Variants in RERE observed in about 807,000 individuals in gnomAD.
The protein encoded by RERE is arginine-glutamic acid dipeptide repeats protein.
Under a neutral mutation model 146.1 loss-of-function variants are expected in RERE, and 40 were observed. The observed-to-expected ratio is 0.27, with a 90% CI of 0.21 to 0.36. RERE has a LOEUF of 0.36. RERE is among the 10% of genes least tolerant of loss of function. The pLI is 1.00. For missense variants in RERE, 1,933 were observed against 2,138.7 expected, an observed-to-expected ratio of 0.90 and a Z score of 1.90; for synonymous variants, 1,003 against 866.0, an observed-to-expected ratio of 1.16 and a Z score of -2.78.
intron 1 of RERE, among the ~76,000 whole-genome samples, chr1:8,683,136 T>G (rs11587482): frequency 0.16 from 24,073 of 151,776 alleles, 2,294 homozygotes; most frequent in Middle Eastern, 0.26. Context: ...TTATCCATAT[T>G]TTAGATGCCA....
intron 12 of RERE, among the ~76,000 whole-genome samples, chr1:8,368,541 A>G (rs1433175133): frequency 6.6e-6 from 1 of 151,772 alleles, no homozygotes; most frequent in African/African-American, 2.4e-5. Flanking sequence ...ACGAGACAAA[A>G]GGGACCAAAA....
intron 1 of RERE, among the ~76,000 whole-genome samples, chr1:8,793,174 A>AAAAAGAAAG (rs756022312): frequency 2.8e-4 from 36 of 127,098 alleles, no homozygotes; most frequent in Non-Finnish European, 5.5e-4. Flanking sequence ...AAAAAAAAAA[A>AAAAAGAAAG]AAAGAAAGAA....
At chr1:8,441,885 T>C (rs1644253219) in intron 11 of RERE, among the ~76,000 whole-genome samples, 1 of 140,946 alleles carries the variant, frequency 7.1e-6, no homozygotes, top group South Asian at 2.4e-4. Context: ...ATTTCTTCTA[T>C]ACTTAAGAGC....
At chr1:8,506,049 C>A (rs537096699) in intron 8 of RERE, among the ~76,000 whole-genome samples, 5 of 151,636 alleles carry the variant, frequency 3.3e-5, no homozygotes, top group African/African-American at 7.3e-5. Flanking sequence ...ACTACATTTT[C>A]TTTTATGGTA....
intron 1 of RERE, among the ~76,000 whole-genome samples, chr1:8,706,539 A>G (rs537996882): frequency 2.6e-5 from 4 of 152,366 alleles, no homozygotes; most frequent in Non-Finnish European, 4.4e-5. Flanking sequence ...AGAGGACTAA[A>G]TCTTGTATAC....
intron 1 of RERE, among the ~76,000 whole-genome samples, chr1:8,775,309 C>G (rs923154343): frequency 2.6e-5 from 4 of 152,170 alleles, no homozygotes; most frequent in African/African-American, 9.7e-5. Flanking sequence ...CAGTGGCTCA[C>G]ACCTATAATC....
chr1:8,361,617 G>C, intron 17 of RERE, 127 bp from the exon 18 acceptor site: 1 of 1,400,278 alleles, frequency 7.1e-7, no homozygotes, highest in Admixed American at 1.8e-5. Flanking sequence ...CGGGACCACA[G>C]GTCGTGCCCT....
In RERE at chr1:8,358,737, C is replaced by T. The variant is rs778552205; in HGVS notation, c.3798G>A (p.Ser1266=). Reference sequence around the variant, plus strand: ...AGAAGGGGTGGTTGCGGTTGGTGGGCGACATGACGTGGGGCCGGGCGTACT... The same window carrying T: ...AGAAGGGGTGGTTGCGGTTGGTGGGTGACATGACGTGGGGCCGGGCGTACT... The part of the protein sequence containing the change: ...LSEYARPHVM[S]PTNRNHPFYM... Residue 1266 remains serine (S), a synonymous_variant, in exon 20 of 23, where the codon TCG becomes TCA. Transcript: ENST00000400908. The T allele has an allele frequency of 9.5e-5, 153 of 1,607,190 alleles. No individual in the cohort carries two copies. The highest frequency in any genetic ancestry group is 1.3e-4 in the Non-Finnish European group (149 of 1,176,162).
chr1:8,460,809 T>C (rs987943976), intron 11 of RERE, among the ~76,000 whole-genome samples: 1 of 152,156 alleles, frequency 6.6e-6, no homozygotes, highest in Non-Finnish European at 1.5e-5. Flanking sequence ...AAAACGCAGC[T>C]AAGTGGATAG....
At chr1:8,466,596 C>G (rs1644601170) in intron 10 of RERE, among the ~76,000 whole-genome samples, 1 of 152,134 alleles carries the variant, frequency 6.6e-6, no homozygotes, top group Admixed American at 6.5e-5. Context: ...TTTAGCATTT[C>G]TTAAGTTTTT....
intron 1 of RERE, among the ~76,000 whole-genome samples, chr1:8,719,163 A>G (rs1168618391): frequency 6.6e-6 from 1 of 152,118 alleles, no homozygotes; most frequent in Non-Finnish European, 1.5e-5. Flanking sequence ...GTGTCCGGAC[A>G]GATGCTCAGC....
intron 1 of RERE, among the ~76,000 whole-genome samples, chr1:8,783,076 A>G (rs75462377): frequency 0.018 from 2,794 of 152,252 alleles, 91 homozygotes; most frequent in African/African-American, 0.063. Context: ...GTTCATGCCT[A>G]TAATTCCAAC....
At chr1:8,379,263 C>T (rs1642363706) in intron 12 of RERE, among the ~76,000 whole-genome samples, 1 of 152,152 alleles carries the variant, frequency 6.6e-6, no homozygotes, top group Non-Finnish European at 1.5e-5. Context: ...TCAGTTTCCA[C>T]AGGCAAGAGC....
At chr1:8,592,561 T>C (rs928799182) in intron 4 of RERE, among the ~76,000 whole-genome samples, 4 of 151,026 alleles carry the variant, frequency 2.6e-5, no homozygotes, top group African/African-American at 4.9e-5. Context: ...CATGAGCCAC[T>C]GCATCCAGCC....
chr1:8,379,216 A>G (rs917361989), intron 12 of RERE, among the ~76,000 whole-genome samples: 1 of 152,100 alleles, frequency 6.6e-6, no homozygotes, highest in Non-Finnish European at 1.5e-5. Flanking sequence ...AACCCTCCAG[A>G]GTCTCTGTGG....
intron 1 of RERE, among the ~76,000 whole-genome samples, chr1:8,736,397 C>A (rs1431837855): frequency 6.6e-6 from 1 of 152,002 alleles, no homozygotes; most frequent in Non-Finnish European, 1.5e-5. Flanking sequence ...TTAGTAGAGA[C>A]GGGGTTTCAC....
intron 1 of RERE, among the ~76,000 whole-genome samples, chr1:8,751,297 G>T (rs1437851832): frequency 6.6e-6 from 1 of 152,108 alleles, no homozygotes; most frequent in East Asian, 1.9e-4. Flanking sequence ...ACATGCCAGG[G>T]ATTATGCCAA....
At chr1:8,622,651 G>A (rs532461443) in intron 3 of RERE, among the ~76,000 whole-genome samples, 14 of 152,074 alleles carry the variant, frequency 9.2e-5, no homozygotes, top group Non-Finnish European at 1.8e-4. Flanking sequence ...ATGCAACCAG[G>A]AAAGTTAAAA....
chr1:8,459,797 C>A (rs1437657469), intron 11 of RERE, among the ~76,000 whole-genome samples: 1 of 152,024 alleles, frequency 6.6e-6, no homozygotes, highest in Admixed American at 6.5e-5. Context: ...ACAATCTGCA[C>A]AAAACCCTAA....
Sources: gnomAD v4.1 joint callset for allele counts (sites outside exome capture counted in the v4.1 genomes callset) on GRCh38, gnomAD v4.1.1 for gene constraint, MANE v1.5 for transcripts, NCBI Gene and HGNC (gene_info 2026-07-23, HGNC 2026-07-21) for gene names.